MBD5: variants seen among roughly 807,000 people sequenced by gnomAD.
The protein encoded by MBD5 is methyl-CpG binding domain protein 5, also known as methyl-CpG-binding domain protein 5.
Under a neutral mutation model 117.3 loss-of-function variants are expected in MBD5, and 13 were observed. The ratio of observed to expected loss-of-function variants is 0.11; its 90% CI spans 0.07 to 0.18. The LOEUF is 0.18. Among genes scored for constraint, MBD5 ranks in the 10% least tolerant of loss-of-function variants. MBD5 has a pLI of 1.00. For synonymous variants in MBD5, 727 were observed against 766.4 expected, an observed-to-expected ratio of 0.95 and a Z score of 0.85; for missense variants, 1,879 against 2,093.8, an observed-to-expected ratio of 0.90 and a Z score of 2.00.
intron 4 of MBD5, among the ~76,000 whole-genome samples, chr2:148,406,266 T>C (rs1024057029): frequency 2.6e-5 from 4 of 152,188 alleles, no homozygotes; most frequent in Admixed American, 2.6e-4. Context: ...AAATATAGTT[T>C]TCCAATGTCT....
intron 3 of MBD5, among the ~76,000 whole-genome samples, chr2:148,288,268 C>T (rs1027241959): frequency 4.2e-5 from 5 of 118,580 alleles, no homozygotes; most frequent in South Asian, 3.4e-4. Flanking sequence ...GGCGTAGTGG[C>T]GGGCGCCTGT....
intron 4 of MBD5, among the ~76,000 whole-genome samples, chr2:148,416,392 C>T (rs956850249): frequency 4.6e-5 from 7 of 151,962 alleles, no homozygotes; most frequent in African/African-American, 1.7e-4. Flanking sequence ...TGGTGCTAGC[C>T]AAAGCAGTTC....
chr2:148,243,701 T>G (rs1259573798), intron 3 of MBD5: 1 of 152,162 alleles, frequency 6.6e-6, no homozygotes, highest in East Asian at 1.9e-4. Flanking sequence ...ATGTATATTT[T>G]TATATTTAGC....
chr2:148,166,966 T>C (rs1467299295), intron 1 of MBD5, among the ~76,000 whole-genome samples: 1 of 152,126 alleles, frequency 6.6e-6, no homozygotes, highest in East Asian at 1.9e-4. Flanking sequence ...TTGTTTCTGT[T>C]TTTTTGATAA....
intron 4 of MBD5, among the ~76,000 whole-genome samples, chr2:148,362,164 G>A (rs1419710783): frequency 6.6e-6 from 1 of 152,198 alleles, no homozygotes; most frequent in Non-Finnish European, 1.5e-5. Context: ...AAAGGGGGCT[G>A]AAGCCAGGGA....
chr2:148,230,564 G>T (rs576780464), intron 2 of MBD5, among the ~76,000 whole-genome samples: 1 of 152,218 alleles, frequency 6.6e-6, no homozygotes, highest in South Asian at 2.1e-4. Context: ...GGTAACTAAG[G>T]TACAAGACAA....
At chr2:148,143,138 C>A (rs909358747) in intron 1 of MBD5, among the ~76,000 whole-genome samples, 2 of 152,146 alleles carry the variant, frequency 1.3e-5, no homozygotes, top group African/African-American at 4.8e-5. Flanking sequence ...AGTAAGTCCC[C>A]ACTTAATATC....
chr2:148,416,669 T>C (rs1205385563), intron 4 of MBD5, among the ~76,000 whole-genome samples: 1 of 152,220 alleles, frequency 6.6e-6, no homozygotes, highest in African/African-American at 2.4e-5. Flanking sequence ...TTTTGTTACA[T>C]GGATGAATTG....
intron 3 of MBD5, among the ~76,000 whole-genome samples, chr2:148,321,477 C>G (rs990927373): frequency 1.3e-5 from 2 of 152,136 alleles, no homozygotes; most frequent in African/African-American, 4.8e-5. Context: ...TTCCCAAGGG[C>G]CATTTTTGTG....
chr2:148,111,608 G>A (rs1195761015), intron 1 of MBD5, among the ~76,000 whole-genome samples: 2 of 152,110 alleles, frequency 1.3e-5, no homozygotes, highest in African/African-American at 4.8e-5. Context: ...TAAATGTCCT[G>A]AATTTATCAT....
intron 1 of MBD5, among the ~76,000 whole-genome samples, chr2:148,050,810 T>C: frequency 6.6e-6 from 1 of 152,176 alleles, no homozygotes; most frequent in Non-Finnish European, 1.5e-5. Context: ...ACTGTAGCTT[T>C]GTGTAGTAAG....
intron 3 of MBD5, among the ~76,000 whole-genome samples, chr2:148,324,445 A>G (rs906117678): frequency 1.3e-5 from 2 of 152,238 alleles, no homozygotes; most frequent in South Asian, 2.1e-4. Context: ...CCATTTTCAC[A>G]ATATTTATTC....
chr2:148,345,312 C>G (rs182490595), intron 4 of MBD5, among the ~76,000 whole-genome samples: 1 of 138,114 alleles, frequency 7.2e-6, no homozygotes, highest in Non-Finnish European at 1.5e-5. Context: ...TATATATACA[C>G]ACACATATAT....
At chr2:148,110,506 G>A (rs148048246) in intron 1 of MBD5, among the ~76,000 whole-genome samples, 156 of 152,194 alleles carry the variant, frequency 1.0e-3, no homozygotes, top group Middle Eastern at 3.4e-3. Context: ...GAGCTCCCCT[G>A]TTGAATCTCT....
chr2:148,447,244 G>A (rs1314610987), intron 4 of MBD5, among the ~76,000 whole-genome samples: 5 of 143,710 alleles, frequency 3.5e-5, no homozygotes, highest in African/African-American at 1.1e-4. Flanking sequence ...AGGGAAAGGA[G>A]GGAGGGAGGA....
At chr2:148,146,286 G>T (rs114976635) in intron 1 of MBD5, among the ~76,000 whole-genome samples, 4 of 152,004 alleles carry the variant, frequency 2.6e-5, no homozygotes, top group African/African-American at 4.8e-5. Flanking sequence ...TTGAGACAGG[G>T]TCTTGCCCTT....
At chr2:148,356,090 T>C (rs1209488189) in intron 4 of MBD5, among the ~76,000 whole-genome samples, 1 of 152,176 alleles carries the variant, frequency 6.6e-6, no homozygotes, top group Non-Finnish European at 1.5e-5. Context: ...CAATTGTGAA[T>C]TAGAGTTTGC....
chr2:148,198,084 T>C (rs778096939), intron 2 of MBD5, among the ~76,000 whole-genome samples: 2 of 152,086 alleles, frequency 1.3e-5, no homozygotes, highest in African/African-American at 4.8e-5. Context: ...CAAAGTGAAA[T>C]TCTTAATGAC....
At chr2:148,460,548 C>T (rs1226358002) in intron 5 of MBD5, among the ~76,000 whole-genome samples, 2 of 152,190 alleles carry the variant, frequency 1.3e-5, no homozygotes. Context: ...GTGCAGTTTA[C>T]TCATAATTTT....
Sources: allele counts gnomAD v4.1 joint callset (sites outside exome capture counted in the v4.1 genomes callset), GRCh38; gene constraint gnomAD v4.1.1; transcripts MANE v1.5; gene names NCBI Gene and HGNC (gene_info 2026-07-23, HGNC 2026-07-21).